The following CAV1 variants were observed in gnomAD, a reference collection of about 807,000 sequenced individuals.
CAV1 encodes caveolin 1, also known as caveolin-1.
A neutral mutation model predicts 16.5 loss-of-function variants in CAV1; 10 were observed. The ratio of observed to expected loss-of-function variants is 0.61; its 90% CI spans 0.37 to 1.03. The LOEUF is 1.03. Ranked by LOEUF, CAV1 falls within the 50% of genes least tolerant of loss-of-function variation. The pLI is 0.01. For synonymous variants in CAV1, 76 were observed against 85.1 expected (o/e 0.89, Z 0.59); for missense variants, 212 against 232.8 (o/e 0.91, Z 0.58).
rs1232983304 is a variant in CAV1 at position 116,555,484 on chromosome 7, A to AAAAGAAAGAAAGAAAGAAAGAAAG, written c.196-3448_196-3425dup. 3.3e-4 allele frequency among the ~76,000 whole-genome samples: 2 copies of AAAAGAAAGAAAGAAAGAAAGAAAG among 6,062 alleles called. 1 individual carries two copies. The highest frequency in any genetic ancestry group is 7.1e-4 in the Non-Finnish European group (2 of 2,808). The allele number at this position is 6,062 out of a possible 152,430, so 4.0% of individuals were successfully genotyped here. On this transcript the variant is annotated intron_variant, in intron 2 of 2. Coordinates refer to ENST00000341049, the MANE Select transcript of CAV1 (RefSeq NM_001753.5). The stretch of plus-strand genomic sequence containing the variant: ...GGAAGGAAGGAAGGAAGGAGGAAAG[A>AAAAGAAAGAAAGAAAGAAAGAAAG]AAAGAAAGAAAGAAAGAAAGAAAGA...
chr7:116,534,387 A>T (rs1356169098), intron 2 of CAV1, among the ~76,000 whole-genome samples: 215 of 9,104 alleles, frequency 0.024, 5 homozygotes, highest in East Asian at 0.17. Context: ...ATATATATAT[A>T]TATATATATT....
At chr7:116,534,391 A>ATTTT (rs1562830042) in intron 2 of CAV1, among the ~76,000 whole-genome samples, 6 of 8,222 alleles carry the variant, frequency 7.3e-4, no homozygotes, top group African/African-American at 1.7e-3. Flanking sequence ...ATATATATAT[A>ATTTT]TATATTTTTT....
intron 2 of CAV1, among the ~76,000 whole-genome samples, chr7:116,540,841 G>A (rs1793920633): frequency 6.6e-6 from 1 of 152,208 alleles, no homozygotes; most frequent in South Asian, 2.1e-4. Context: ...CCAGGATAGA[G>A]CTGTCATTTT....
At chr7:116,548,171 GGA>G (rs1262318116) in intron 2 of CAV1, among the ~76,000 whole-genome samples, 3 of 152,154 alleles carry the variant, frequency 2.0e-5, no homozygotes, top group Admixed American at 6.5e-5. Flanking sequence ...CCCTGCCCTT[GGA>G]GCACTGATTC....
chr7:116,525,306 A>G (rs1997623), intron 1 of CAV1: 2 of 1,551,534 alleles, frequency 1.3e-6, no homozygotes, highest in Admixed American at 2.0e-5. Context: ...GAGGGGGCCT[A>G]GGGAGCCCCT....
chr7:116,532,519 A>G (rs1458462388), intron 2 of CAV1, among the ~76,000 whole-genome samples: 2 of 152,194 alleles, frequency 1.3e-5, no homozygotes, highest in African/African-American at 4.8e-5. Flanking sequence ...TCCAAGATAC[A>G]CACACTCTTC....
At chr7:116,537,009 CAAAAAAAAA>C (rs753949130) in intron 2 of CAV1, among the ~76,000 whole-genome samples, 1 of 61,470 alleles carries the variant, frequency 1.6e-5, no homozygotes, top group Non-Finnish European at 3.0e-5. Context: ...GACTCCGTCT[CAAAAAAAAA>C]AAAAAAAAAA....
At chr7:116,530,197 G>A (rs1312417307) in intron 2 of CAV1, among the ~76,000 whole-genome samples, 1 of 85,100 alleles carries the variant, frequency 1.2e-5, no homozygotes, top group Non-Finnish European at 2.3e-5. Flanking sequence ...GAAACTGATT[G>A]GTCCTTTTTC....
At chr7:116,525,307 G>A in intron 1 of CAV1, 2 of 1,550,590 alleles carry the variant, frequency 1.3e-6, no homozygotes, top group Non-Finnish European at 8.7e-7. Context: ...AGGGGGCCTA[G>A]GGAGCCCCTG....
chr7:116,539,380 G>T (rs929245785), intron 2 of CAV1, among the ~76,000 whole-genome samples: 9 of 152,068 alleles, frequency 5.9e-5, no homozygotes, highest in Non-Finnish European at 1.5e-5. Context: ...GCCCCATGCA[G>T]AGTCAGACAT....
Position 116,558,489 on chromosome 7 carries a change from T to C in CAV1, c.196-457T>C, listed in dbSNP as rs189041296. On this transcript the variant is annotated intron_variant, in intron 2 of 2. Transcript: ENST00000341049. ...TTCAGGTCAGCTTATTGGCTCATCC[T>C]ATTATACCAACTCCTCAGAAGGCCA... Among the ~76,000 whole-genome samples, 8 of 151,998 alleles carry C rather than the reference T, an allele frequency of 5.3e-5. No individual in the cohort carries two copies. The East Asian group carries it at 1.6e-3, about 29-fold the overall frequency.
intron 1 of CAV1, chr7:116,526,076 G>A: frequency 4.9e-6 from 1 of 203,292 alleles, no homozygotes; most frequent in Non-Finnish European, 8.7e-6. Flanking sequence ...TAGGGACCGG[G>A]GACGGGAACG....
intron 2 of CAV1, among the ~76,000 whole-genome samples, chr7:116,546,697 C>CCAAAAAAAAAAAAAAA (rs1794054518): frequency 1.1e-5 from 1 of 88,386 alleles, no homozygotes; most frequent in African/African-American, 4.4e-5. Context: ...GACTCTGTCA[C>CCAAAAAAAAAAAAAAA]AAAAAAAAAA....
chr7:116,551,292 T>C (rs1039616510), intron 2 of CAV1, among the ~76,000 whole-genome samples: 4 of 152,204 alleles, frequency 2.6e-5, no homozygotes, highest in East Asian at 1.9e-4. Flanking sequence ...GAGTTGAAGT[T>C]TGGTGATCAG....
rs565562402 is a variant in CAV1 at position 116,560,030 on chromosome 7, T to G, written c.*743T>G. 71 of 394,576 alleles carry G rather than the reference T, an allele frequency of 1.8e-4. No homozygotes were observed. In the Middle Eastern group the frequency reaches 2.5e-3, roughly 14 times the overall value. The allele number at this position is 394,576 out of a possible 1,614,324, so 24.4% of individuals were successfully genotyped here. A position where few individuals can be genotyped will look rare whatever the true frequency, so the allele number is the denominator to read the frequency against. The stretch of plus-strand genomic sequence containing the variant: ...TCAGCAGCCTCCCTGAAGACCAAAA[T>G]TAGAATATCCATGACCTAGTTTTCC... On this transcript the variant is annotated 3_prime_UTR_variant, in exon 3 of 3. Transcript: ENST00000341049.
At chr7:116,557,335 T>G (rs1055352977) in intron 2 of CAV1, among the ~76,000 whole-genome samples, 5 of 152,196 alleles carry the variant, frequency 3.3e-5, no homozygotes. Flanking sequence ...GGTGGCTCTT[T>G]GGCACTGAGT....
rs185285814 is a variant in CAV1, at chr7:116,548,662, G to T, written c.196-10284G>T. Among the ~76,000 whole-genome samples, 59 of 152,288 alleles carry T rather than the reference G, an allele frequency of 3.9e-4. 1 individual carries two copies. Among genetic ancestry groups the T allele is most frequent in the Admixed American group, 1.2e-3 (18 of 15,296 alleles). On this transcript the variant is annotated intron_variant, in intron 2 of 2. Coordinates refer to ENST00000341049, the MANE Select transcript of CAV1 (RefSeq NM_001753.5). ...TTGCATAAACAGCACAAGGAGTTTG[G>T]GGTGGGGTTAAAGAGAATGGTGTGG...
chr7:116,534,112 G>T (rs1793742494), intron 2 of CAV1, among the ~76,000 whole-genome samples: 2 of 151,772 alleles, frequency 1.3e-5, no homozygotes, highest in Non-Finnish European at 2.9e-5. Flanking sequence ...CAGCTACTTT[G>T]GTGGCTGAGG....
At chr7:116,550,622 CACA>C (rs1207959627) in intron 2 of CAV1, among the ~76,000 whole-genome samples, 1 of 152,222 alleles carries the variant, frequency 6.6e-6, no homozygotes, top group African/African-American at 2.4e-5. Flanking sequence ...CACACTCACA[CACA>C]ACATTTATTC....
Sources: allele counts gnomAD v4.1 joint callset (sites outside exome capture counted in the v4.1 genomes callset), GRCh38; gene constraint gnomAD v4.1.1; transcripts MANE v1.5; gene names NCBI Gene and HGNC (gene_info 2026-07-23, HGNC 2026-07-21).